ADAMTS17: variants seen among roughly 807,000 people sequenced by gnomAD.
The protein encoded by ADAMTS17 is A disintegrin and metalloproteinase with thrombospondin motifs 17.
In ADAMTS17, 113 loss-of-function variants were observed where a neutral mutation model predicts 141.5. The observed-to-expected ratio is 0.80, with a 90% CI of 0.69 to 0.93. The LOEUF is 0.93. ADAMTS17 is among the 40% of genes least tolerant of loss of function. The pLI is 0.00. For missense variants in ADAMTS17, 1,659 were observed against 1,517.9 expected (o/e 1.09, Z -1.54); for synonymous variants, 768 against 630.6 (o/e 1.22, Z -3.27).
intron 14 of ADAMTS17, among the ~76,000 whole-genome samples, chr15:100,102,988 C>A (rs1037085905): frequency 6.6e-6 from 1 of 152,202 alleles, no homozygotes; most frequent in African/African-American, 2.4e-5. Context: ...CTGGCCTCTG[C>A]TGCTTTGTTC....
At chr15:100,019,412 GA>G (rs1435672712) in intron 18 of ADAMTS17, among the ~76,000 whole-genome samples, 1 of 152,164 alleles carries the variant, frequency 6.6e-6, no homozygotes, top group African/African-American at 2.4e-5. Flanking sequence ...TTAAAACTGG[GA>G]AGTGGAGACG....
chr15:100,243,800 AAAAGAAAG>A (rs1182006364), intron 7 of ADAMTS17, among the ~76,000 whole-genome samples: 4 of 85,582 alleles, frequency 4.7e-5, no homozygotes, highest in Admixed American at 2.5e-4. Context: ...AAAAAAAAAA[AAAAGAAAG>A]AAAAGAAAAA....
chr15:100,179,366 C>T (rs898028979), intron 8 of ADAMTS17, among the ~76,000 whole-genome samples: 2 of 152,162 alleles, frequency 1.3e-5, no homozygotes, highest in African/African-American at 4.8e-5. Flanking sequence ...CCAGTTCCAT[C>T]CACGTTGTTG....
chr15:100,152,637 T>C lies in ADAMTS17; in HGVS notation c.1448A>G (p.Asn483Ser), dbSNP rs773850147. 18 of 1,613,986 alleles carry C rather than the reference T, an allele frequency of 1.1e-5. No individual in the cohort carries two copies. Among genetic ancestry groups the C allele is most frequent in the Middle Eastern group, 3.3e-4 (2 of 6,084 alleles). ...CTCCATGTTTCTGCAGAAGGTGGCA[T>C]TCATGCCAAACAGGATCTGGCACTG... ...NEQCQILFGM[N>S]ATFCRNMEHL... Residue 483 changes from asparagine (N) to serine (S), a missense_variant, in exon 10 of 22, where the codon AAT (asparagine) becomes AGT (serine). Asn to Ser is a conservative substitution (Grantham distance 46, BLOSUM62 1). Transcript: ENST00000268070.
intron 11 of ADAMTS17, 45 bp downstream of exon 11, chr15:100,133,169 A>T: frequency 6.6e-7 from 1 of 1,521,824 alleles, no homozygotes; most frequent in Non-Finnish European, 8.9e-7. Flanking sequence ...GTTGCCTGCA[A>T]GATGTGGAGC....
intron 8 of ADAMTS17, among the ~76,000 whole-genome samples, chr15:100,177,970 T>C (rs1336386805): frequency 1.3e-5 from 2 of 151,692 alleles, no homozygotes; most frequent in Non-Finnish European, 2.9e-5. Flanking sequence ...CTGATATTAA[T>C]ATAGCGATTC....
chr15:100,319,707 C>G (rs2045672224), intron 3 of ADAMTS17, among the ~76,000 whole-genome samples: 1 of 151,828 alleles, frequency 6.6e-6, no homozygotes, highest in African/African-American at 2.4e-5. Flanking sequence ...GAGACTCCAT[C>G]TCGAGAAAAA....
chr15:100,117,138 C>G (rs1449698101), intron 12 of ADAMTS17, 125 bp from the exon 13 acceptor site: 15 of 1,133,528 alleles, frequency 1.3e-5, no homozygotes, highest in Non-Finnish European at 1.8e-5. Flanking sequence ...AAGCCACCCC[C>G]TCTCTGCTGT....
intron 10 of ADAMTS17, among the ~76,000 whole-genome samples, chr15:100,144,320 G>A (rs970482730): frequency 6.6e-6 from 1 of 152,124 alleles, no homozygotes; most frequent in African/African-American, 2.4e-5. Context: ...GGGAGGCTGA[G>A]GCGGGTGGAT....
At chr15:100,069,922 T>C (rs919360949) in intron 15 of ADAMTS17, among the ~76,000 whole-genome samples, 8 of 150,404 alleles carry the variant, frequency 5.3e-5, no homozygotes, top group African/African-American at 9.8e-5. Flanking sequence ...ATGGGCTAAA[T>C]GCTCCAATTA....
intron 20 of ADAMTS17, among the ~76,000 whole-genome samples, chr15:99,986,531 AGG>A (rs2060589684): frequency 1.3e-5 from 2 of 152,202 alleles, no homozygotes; most frequent in Non-Finnish European, 1.5e-5. Flanking sequence ...GGGTGCTCAG[AGG>A]CCTTGCAAGT....
In ADAMTS17 at chr15:100,145,837, T is replaced by C. The variant is rs542918184; in HGVS notation, c.1473+6775A>G. Among the ~76,000 whole-genome samples, 5 of 152,386 alleles carry C rather than the reference T, an allele frequency of 3.3e-5. No individual in the cohort carries two copies. In the South Asian group the frequency reaches 1.0e-3, roughly 32 times the overall value. Reference sequence around the variant, plus strand: ...GTTATTTATTGGTTGCTTTACTAAGTTGACATTCTAATCTTTAACGCATCA... The same window carrying C: ...GTTATTTATTGGTTGCTTTACTAAGCTGACATTCTAATCTTTAACGCATCA... On this transcript the variant is annotated intron_variant, in intron 10 of 21. Transcript: ENST00000268070.
chr15:100,023,204 ATTT>A (rs201830207), intron 18 of ADAMTS17, among the ~76,000 whole-genome samples: 2 of 146,134 alleles, frequency 1.4e-5, no homozygotes, highest in Non-Finnish European at 3.0e-5. Context: ...AAATAAAAAA[ATTT>A]TTTTTTTTTT....
intron 12 of ADAMTS17, among the ~76,000 whole-genome samples, chr15:100,124,635 C>T (rs541092411): frequency 1.3e-5 from 2 of 152,354 alleles, no homozygotes; most frequent in South Asian, 2.1e-4. Flanking sequence ...TATACCTGCA[C>T]GTGCGCCCCA....
chr15:100,275,704 G>C (rs779564310), intron 4 of ADAMTS17, among the ~76,000 whole-genome samples: 1 of 152,078 alleles, frequency 6.6e-6, no homozygotes, highest in Non-Finnish European at 1.5e-5. Flanking sequence ...CCAGGTATGA[G>C]AAGGCAGTAA....
chr15:99,976,291 G>A, intron 20 of ADAMTS17, 69 bp from the exon 21 acceptor site: 1 of 1,519,192 alleles, frequency 6.6e-7, no homozygotes, highest in Non-Finnish European at 8.8e-7. Flanking sequence ...GCCTCACAAT[G>A]TGGCACTGCG....
chr15:100,226,494 A>G (rs1277136332), intron 7 of ADAMTS17, among the ~76,000 whole-genome samples: 2 of 152,268 alleles, frequency 1.3e-5, no homozygotes, highest in African/African-American at 2.4e-5. Flanking sequence ...CCACGAAGTG[A>G]AGAGAGGCTT....
intron 19 of ADAMTS17, among the ~76,000 whole-genome samples, chr15:99,995,136 C>T (rs765072926): frequency 2.6e-5 from 4 of 152,168 alleles, no homozygotes; most frequent in Non-Finnish European, 2.9e-5. Context: ...GGGCAGGAGG[C>T]CCGGGGCACT....
At chr15:99,995,660 GACC>G (rs1296484751) in intron 19 of ADAMTS17, among the ~76,000 whole-genome samples, 1 of 152,178 alleles carries the variant, frequency 6.6e-6, no homozygotes, top group Non-Finnish European at 1.5e-5. Context: ...GGATAAAAGC[GACC>G]ACGTCAATAA....
Sources: allele counts gnomAD v4.1 joint callset (sites outside exome capture counted in the v4.1 genomes callset), GRCh38; gene constraint gnomAD v4.1.1; transcripts MANE v1.5; gene names NCBI Gene and HGNC (gene_info 2026-07-23, HGNC 2026-07-21).